Variants in KDM2B observed in about 807,000 individuals in gnomAD.
The protein encoded by KDM2B is lysine demethylase 2B, also known as lysine-specific demethylase 2B.
A neutral mutation model predicts 150.0 loss-of-function variants in KDM2B; 26 were observed. The observed-to-expected ratio is 0.17, with a 90% CI of 0.13 to 0.24. KDM2B has a LOEUF of 0.24. Ranked by LOEUF, KDM2B falls within the 10% of genes least tolerant of loss-of-function variation. The pLI is 1.00. For synonymous variants in KDM2B, 734 were observed against 729.5 expected (o/e 1.01, Z -0.10); for missense variants, 1,265 against 1,816.9 (o/e 0.70, Z 5.52).
Position 121,540,649 on chromosome 12 carries a change from G to A in KDM2B, c.684-6059C>T, listed in dbSNP as rs143241860. Reference sequence around the variant, plus strand: ...ATGCCTGTAGTTCCAGCTAAATCGGGAGGCTGAGGCAGGAGAATCACTGGA... The same window carrying A: ...ATGCCTGTAGTTCCAGCTAAATCGGAAGGCTGAGGCAGGAGAATCACTGGA... On this transcript the variant is annotated intron_variant, in intron 6 of 22. Coordinates refer to ENST00000377071, the MANE Select transcript of KDM2B (RefSeq NM_032590.5). Among the ~76,000 whole-genome samples the A allele has an allele frequency of 9.9e-5, 15 of 151,798 alleles. No individual in the cohort carries two copies. In the East Asian group the frequency reaches 2.3e-3, roughly 24 times the overall value.
intron 6 of KDM2B, among the ~76,000 whole-genome samples, 182 bp downstream of exon 6, chr12:121,548,695 C>T (rs573595983): frequency 2.6e-5 from 4 of 152,326 alleles, no homozygotes; most frequent in East Asian, 1.9e-4. Flanking sequence ...CCTGCACACG[C>T]GAAGGACCCC....
intron 6 of KDM2B, among the ~76,000 whole-genome samples, chr12:121,546,067 C>A (rs1448295026): frequency 6.6e-6 from 1 of 152,160 alleles, no homozygotes; most frequent in African/African-American, 2.4e-5. Context: ...GGCCTCATCG[C>A]AGCTGCAAGT....
chr12:121,511,510 T>G (rs1885590812), intron 10 of KDM2B, among the ~76,000 whole-genome samples: 1 of 152,050 alleles, frequency 6.6e-6, no homozygotes, highest in South Asian at 2.1e-4. Flanking sequence ...GATCTCGAAC[T>G]CCTGACCTCA....
chr12:121,558,172 A>G (rs56143622), intron 4 of KDM2B, among the ~76,000 whole-genome samples: 2 of 152,260 alleles, frequency 1.3e-5, no homozygotes, highest in East Asian at 3.9e-4. Context: ...TAGAACAGAG[A>G]CTGGTGCAGG....
At chr12:121,418,021 G>A in the KDM2B span, 1 of 1,168,838 alleles carries the variant, frequency 8.6e-7, no homozygotes, top group Middle Eastern at 2.8e-4. Context: ...GTCATGTGCT[G>A]GAGTGAAGCT....
the KDM2B span, chr12:121,420,527 G>T: frequency 6.3e-7 from 1 of 1,594,824 alleles, no homozygotes; most frequent in East Asian, 2.2e-5. Flanking sequence ...TTAGAGTGGG[G>T]AGGGTCTGGA....
chr12:121,418,251 G>A, the KDM2B span: 3 of 217,030 alleles, frequency 1.4e-5, no homozygotes, highest in Non-Finnish European at 2.7e-5. Context: ...ATGTGTTAGT[G>A]CACGTGTTTC....
intron 10 of KDM2B, among the ~76,000 whole-genome samples, chr12:121,511,556 G>C (rs782261670): frequency 3.3e-5 from 5 of 152,204 alleles, no homozygotes; most frequent in Non-Finnish European, 5.9e-5. Context: ...AAAGTGCTGG[G>C]ATTACAGGCG....
At chr12:121,445,648 CA>C (rs1555290083) in intron 13 of KDM2B, among the ~76,000 whole-genome samples, 1 of 152,220 alleles carries the variant, frequency 6.6e-6, no homozygotes, top group African/African-American at 2.4e-5. Context: ...CAAGACAGCT[CA>C]AAATCTCTGC....
chr12:121,523,187 C>A (rs1480463021), intron 8 of KDM2B, among the ~76,000 whole-genome samples: 1 of 152,234 alleles, frequency 6.6e-6, no homozygotes, highest in Non-Finnish European at 1.5e-5. Flanking sequence ...CCGTTTTTAG[C>A]CAGCACGCTG....
At chr12:121,558,576 C>T (rs907695832) in intron 4 of KDM2B, among the ~76,000 whole-genome samples, 5 of 151,732 alleles carry the variant, frequency 3.3e-5, no homozygotes, top group African/African-American at 9.7e-5. Flanking sequence ...GCCTCAGCCT[C>T]CCAAGTAGCT....
At chr12:121,548,747 C>T in intron 6 of KDM2B, 130 bp downstream of exon 6, 1 of 694,650 alleles carries the variant, frequency 1.4e-6, no homozygotes, top group Non-Finnish European at 2.6e-6. Context: ...CACAGTCCTT[C>T]AGTTCTGAAC....
chr12:121,568,569 G>A (rs1377342603), intron 4 of KDM2B, among the ~76,000 whole-genome samples: 1 of 152,078 alleles, frequency 6.6e-6, no homozygotes. Flanking sequence ...ACAAAGCTGA[G>A]CAAAAGAAGC....
chr12:121,482,003 A>G (rs957541341), intron 12 of KDM2B, among the ~76,000 whole-genome samples: 2 of 151,626 alleles, frequency 1.3e-5, no homozygotes, highest in African/African-American at 4.9e-5. Context: ...CTGGTCTAGA[A>G]CTCCTGACCT....
chr12:121,579,932 C>T, intron 1 of KDM2B: 1 of 1,414,286 alleles, frequency 7.1e-7, no homozygotes, highest in Non-Finnish European at 9.2e-7. Flanking sequence ...GAAAAGGCAG[C>T]GAGAAACAAC....
intron 11 of KDM2B, among the ~76,000 whole-genome samples, chr12:121,495,651 C>T (rs1249509140): frequency 1.3e-5 from 2 of 152,156 alleles, no homozygotes; most frequent in African/African-American, 2.4e-5. Context: ...TACGGATCCT[C>T]TAATGTTCAC....
At chr12:121,531,472 C>A (rs1412979311) in intron 8 of KDM2B, among the ~76,000 whole-genome samples, 1 of 152,168 alleles carries the variant, frequency 6.6e-6, no homozygotes, top group East Asian at 1.9e-4. Context: ...AAGGATACTC[C>A]TATCCTCTGG....
intron 12 of KDM2B, among the ~76,000 whole-genome samples, chr12:121,488,335 T>G (rs1882995743): frequency 6.6e-6 from 1 of 152,166 alleles, no homozygotes. Flanking sequence ...GTGGGCAGAT[T>G]CAGGGTTACT....
At chr12:121,572,655 T>C (rs994388067) in intron 4 of KDM2B, among the ~76,000 whole-genome samples, 1 of 152,020 alleles carries the variant, frequency 6.6e-6, no homozygotes, top group African/African-American at 2.4e-5. Context: ...GACATTTCAT[T>C]TTATGATTAT....
Sources: allele counts gnomAD v4.1 joint callset (sites outside exome capture counted in the v4.1 genomes callset), GRCh38; gene constraint gnomAD v4.1.1; transcripts MANE v1.5; gene names NCBI Gene and HGNC (gene_info 2026-07-23, HGNC 2026-07-21).